Variants in ATP9B observed in about 807,000 individuals in gnomAD.
ATP9B encodes probable phospholipid-transporting ATPase IIB.
ATP9B carries 110 observed loss-of-function variants against 146.1 expected under a neutral mutation model. The ratio of observed to expected loss-of-function variants is 0.75; its 90% CI spans 0.65 to 0.88. ATP9B has a LOEUF of 0.88. ATP9B is among the 40% of genes least tolerant of loss of function. The probability of loss-of-function intolerance (pLI) is 0.00; values close to 1 mark genes in which losing one functional copy is unlikely to be tolerated. For missense variants in ATP9B, 1,499 were observed against 1,496.4 expected (o/e 1.00, Z -0.03); for synonymous variants, 604 against 569.7 (o/e 1.06, Z -0.86).
chr18:79,289,265 A>G (rs1026933153), intron 13 of ATP9B, among the ~76,000 whole-genome samples: 9 of 152,068 alleles, frequency 5.9e-5, no homozygotes, highest in African/African-American at 1.9e-4. Flanking sequence ...TCAGACGGAG[A>G]TTTGGTCTTT....
chr18:79,193,319 C>T, intron 9 of ATP9B, 56 bp downstream of exon 9: 4 of 1,379,378 alleles, frequency 2.9e-6, no homozygotes, highest in Non-Finnish European at 4.1e-6. Context: ...TTAAAAGTAG[C>T]AAACCTTTGA....
chr18:79,209,641 T>C, intron 10 of ATP9B: 1 of 985,366 alleles, frequency 1.0e-6, no homozygotes, highest in South Asian at 4.7e-5. Flanking sequence ...CTGTTCTCTT[T>C]GCCATCTAGC....
chr18:79,218,740 A>C (rs1568429196), intron 11 of ATP9B, among the ~76,000 whole-genome samples: 1 of 152,248 alleles, frequency 6.6e-6, no homozygotes, highest in Non-Finnish European at 1.5e-5. Context: ...ATAAGAAAAT[A>C]CTGATGTGGC....
chr18:79,347,797 G>A lies in ATP9B; in HGVS notation c.2710G>A (p.Asp904Asn), dbSNP rs746819784. Residue 904 changes from aspartate to asparagine, a missense_variant, in exon 24 of 30, where the codon GAC becomes AAC. By Grantham distance (23) the Asp-to-Asn change is conservative (BLOSUM62 1). Transcript: ENST00000426216. ...KEGKQASLAA[D>N]FSITQFRHIG... is the part of the protein sequence containing the mutation. ...GGGTAAACAGGCCTCGCTGGCGGCCGACTTCTCCATCACGCAGTTCCGGCA... is the reference window on the plus strand; with the variant it reads ...GGGTAAACAGGCCTCGCTGGCGGCCAACTTCTCCATCACGCAGTTCCGGCA... 2 of 1,596,326 alleles carry A rather than the reference G, an allele frequency of 1.3e-6. No homozygotes were observed. The highest frequency in any genetic ancestry group is 1.7e-6 in the Non-Finnish European group (2 of 1,168,936).
rs551508707 is a variant in ATP9B at position 79,235,081 on chromosome 18, C to T, written c.1108-18300C>T. ...AGAGATGGGGTTTCACCATATTGGT[C>T]GGGCTGGTCTCGAACTCCTAACCTC... On this transcript the variant is annotated intron_variant, in intron 11 of 29. Coordinates refer to ENST00000426216, the MANE Select transcript of ATP9B (RefSeq NM_198531.5). Among the ~76,000 whole-genome samples, 8 of 152,194 alleles carry T rather than the reference C, an allele frequency of 5.3e-5. No homozygotes were observed. In the South Asian group the frequency reaches 8.3e-4, roughly 16 times the overall value.
intron 13 of ATP9B, among the ~76,000 whole-genome samples, chr18:79,302,970 T>C (rs554283654): frequency 1.4e-4 from 21 of 152,384 alleles, no homozygotes; most frequent in African/African-American, 5.0e-4. Context: ...TCTAGTTTTA[T>C]GTCCGCCTCT....
chr18:79,374,440 G>T (rs7236206), intron 28 of ATP9B, among the ~76,000 whole-genome samples: 48 of 26,732 alleles, frequency 1.8e-3, no homozygotes, highest in African/African-American at 5.9e-3. Flanking sequence ...TCCCCTGACA[G>T]GAGGCGCTGA....
chr18:79,224,000 A>G (rs1180839667), intron 11 of ATP9B, among the ~76,000 whole-genome samples: 2 of 152,220 alleles, frequency 1.3e-5, no homozygotes, highest in Non-Finnish European at 2.9e-5. Context: ...ATTGATTTCT[A>G]TCACAGAAAA....
chr18:79,191,827 T>C (rs917505884), intron 8 of ATP9B, among the ~76,000 whole-genome samples: 3 of 152,374 alleles, frequency 2.0e-5, no homozygotes, highest in African/African-American at 7.2e-5. Flanking sequence ...TTCTTGATTA[T>C]GGACCTTGTG....
At chr18:79,348,329 G>A in intron 25 of ATP9B, 133 bp downstream of exon 25, 1 of 853,748 alleles carries the variant, frequency 1.2e-6, no homozygotes, top group South Asian at 1.6e-5. Context: ...TAATACTGAT[G>A]TAAAAACAAC....
intron 8 of ATP9B, among the ~76,000 whole-genome samples, chr18:79,190,185 T>C (rs1334677278): frequency 3.3e-5 from 5 of 152,216 alleles, no homozygotes; most frequent in Non-Finnish European, 7.3e-5. Context: ...CCTGTGTGTT[T>C]AGGTTTTATT....
At chr18:79,372,365 T>G (rs767959119) in intron 26 of ATP9B, 1 of 325,646 alleles carries the variant, frequency 3.1e-6, no homozygotes, top group Non-Finnish European at 6.1e-6. Flanking sequence ...AAGGGATAAC[T>G]TTTTACTTCA....
intron 23 of ATP9B, among the ~76,000 whole-genome samples, chr18:79,347,491 C>T (rs568309967): frequency 6.6e-6 from 1 of 152,328 alleles, no homozygotes; most frequent in Admixed American, 6.5e-5. Context: ...AGGGCTGGCC[C>T]GGACTCTGCA....
intron 5 of ATP9B, among the ~76,000 whole-genome samples, chr18:79,132,584 G>A (rs1405755245): frequency 6.6e-6 from 1 of 152,168 alleles, no homozygotes; most frequent in Admixed American, 6.5e-5. Context: ...TGTTTGATGA[G>A]TAAAATCCGT....
intron 1 of ATP9B, among the ~76,000 whole-genome samples, chr18:79,074,549 C>T (rs1460985448): frequency 6.6e-6 from 1 of 152,208 alleles, no homozygotes; most frequent in African/African-American, 2.4e-5. Context: ...AGACCAGTCT[C>T]GGGCATGAGG....
At position 79,253,738 on chromosome 18, in the gene ATP9B, A is replaced by G. The variant is rs1181500417; in HGVS notation, c.1268+197A>G. Reference sequence around the variant, plus strand: ...GTCATCAGTGCCGGTAGAATGATCTAGAGGTGCCATACTTTCCTGATAGTG... The same window carrying G: ...GTCATCAGTGCCGGTAGAATGATCTGGAGGTGCCATACTTTCCTGATAGTG... On this transcript the variant is annotated intron_variant, in intron 12 of 29. Transcript: ENST00000426216. 1.8e-5 allele frequency: 9 copies of G among 505,272 alleles called. No homozygotes were observed. In the South Asian group the frequency reaches 2.9e-4, roughly 16 times the overall value. The allele number at this position is 505,272 out of a possible 1,614,324, so 31.3% of individuals were successfully genotyped here. A position where few individuals can be genotyped will look rare whatever the true frequency, so the allele number is the denominator to read the frequency against.
intron 26 of ATP9B, among the ~76,000 whole-genome samples, chr18:79,368,509 G>T (rs2097049059): frequency 6.6e-6 from 1 of 152,222 alleles, no homozygotes; most frequent in African/African-American, 2.4e-5. Context: ...GTGGCAGCAA[G>T]TCCACCTTTA....
chr18:79,277,885 TAAAC>T lies in ATP9B; in HGVS notation c.1411+693_1411+696del, dbSNP rs1487806208. ...ATAAAAGAATACTTATATAGCGTGA[TAAAC>T]AAAATATGTTGCAAACAAAATTCAA... On this transcript the variant is annotated intron_variant, in intron 13 of 29. Transcript: ENST00000426216. Among the ~76,000 whole-genome samples, 9 of 152,338 alleles carry T rather than the reference TAAAC, an allele frequency of 5.9e-5. No homozygotes were observed. The South Asian group carries it at 1.0e-3, about 18-fold the overall frequency.
chr18:79,331,436 G>A (rs1226411235), intron 17 of ATP9B, among the ~76,000 whole-genome samples: 1 of 152,144 alleles, frequency 6.6e-6, no homozygotes, highest in Non-Finnish European at 1.5e-5. Context: ...ATCAATAAAT[G>A]TTTTGCAACA....
Sources: gnomAD v4.1 joint callset for allele counts (sites outside exome capture counted in the v4.1 genomes callset) on GRCh38, gnomAD v4.1.1 for gene constraint, MANE v1.5 for transcripts, NCBI Gene and HGNC (gene_info 2026-07-23, HGNC 2026-07-21) for gene names.